Variants in LMLN observed in about 807,000 individuals in gnomAD.
The protein encoded by LMLN is leishmanolysin-like peptidase.
LMLN carries 70 observed loss-of-function variants against 92.3 expected under a neutral mutation model. The observed-to-expected ratio is 0.76, with a 90% confidence interval of 0.63 to 0.92. LMLN has a LOEUF of 0.92. Among genes scored for constraint, LMLN ranks in the 40% least tolerant of loss-of-function variants. LMLN has a pLI of 0.00. For missense variants in LMLN, 691 were observed against 814.6 expected (o/e 0.85, Z 1.85); for synonymous variants, 308 against 296.2 (o/e 1.04, Z -0.41).
chr3:197,965,428 A>G (rs1274605183), intron 1 of LMLN, among the ~76,000 whole-genome samples: 2 of 151,852 alleles, frequency 1.3e-5, no homozygotes, highest in Non-Finnish European at 2.9e-5. Context: ...TGTTTTAGAG[A>G]TGGGATCTCA....
intron 9 of LMLN, 93 bp from the exon 10 acceptor site, chr3:197,996,082 G>T (rs1722008748): frequency 3.7e-6 from 2 of 542,032 alleles, no homozygotes; most frequent in Non-Finnish European, 3.1e-6. Flanking sequence ...ATTCTTTAAT[G>T]TTAACTTATT....
At chr3:197,972,514 A>T (rs1261774573) in intron 1 of LMLN, among the ~76,000 whole-genome samples, 2 of 152,106 alleles carry the variant, frequency 1.3e-5, no homozygotes, top group South Asian at 4.1e-4. Flanking sequence ...TCCTGAACAC[A>T]TTTCAGCTGC....
At chr3:198,014,074 C>T (rs1431419654) in intron 11 of LMLN, among the ~76,000 whole-genome samples, 1 of 147,088 alleles carries the variant, frequency 6.8e-6, no homozygotes, top group African/African-American at 2.6e-5. Flanking sequence ...AGCCTCCTAA[C>T]TAGTCTGACT....
At chr3:197,987,946 T>G (rs974369463) in intron 8 of LMLN, among the ~76,000 whole-genome samples, 4 of 152,212 alleles carry the variant, frequency 2.6e-5, no homozygotes, top group African/African-American at 9.6e-5. Context: ...ATTTTCTCTT[T>G]GTACACTGCC....
intron 11 of LMLN, 104 bp downstream of exon 12, chr3:198,003,229 G>T: frequency 1.6e-6 from 1 of 634,932 alleles, no homozygotes; most frequent in Non-Finnish European, 2.6e-6. Flanking sequence ...AGTCTGAGCA[G>T]TTCAATTTTA....
At chr3:197,971,440 T>G (rs1289469755) in intron 1 of LMLN, among the ~76,000 whole-genome samples, 2 of 152,222 alleles carry the variant, frequency 1.3e-5, no homozygotes, top group Non-Finnish European at 2.9e-5. Context: ...CCTCCTTCCC[T>G]TGACATGTGG....
chr3:198,002,357 C>T (rs911272444), intron 11 of LMLN, among the ~76,000 whole-genome samples: 2 of 152,052 alleles, frequency 1.3e-5, no homozygotes, highest in African/African-American at 4.8e-5. Flanking sequence ...TCTCGAACTC[C>T]CAACCTCAAA....
intron 5 of LMLN, 97 bp from the exon 6 acceptor site, chr3:197,980,229 G>C: frequency 1.0e-6 from 1 of 979,882 alleles, no homozygotes. Context: ...AGATTAAATT[G>C]TACTGTGTTT....
chr3:198,040,468 ATTCTTTCTC>A (rs1220742418), exon 16 of LMLN: 1 of 152,306 alleles, frequency 6.6e-6, no homozygotes, highest in African/African-American at 2.4e-5. Context: ...GGCGATGCCC[ATTCTTTCTC>A]TCAAGCTAAT....
At chr3:198,024,767 C>T in exon 14 of LMLN, 1 of 1,609,160 alleles carries the variant, frequency 6.2e-7, no homozygotes, top group Non-Finnish European at 8.5e-7. Context: ...GTTACCCAGA[C>T]TGGGGAAGCG....
rs143532116 is a variant in LMLN at position 197,988,304 on chromosome 3, A to G, written c.930-2255A>G. On this transcript the variant is annotated intron_variant, in intron 8 of 15. Coordinates refer to ENST00000330198, the Ensembl canonical transcript of LMLN. ...CCGATGTTTTTTTCTTTGTTGCTTA[A>G]GGCCTCAAAAGATTATAAAAATATT... is the stretch of plus-strand genomic sequence containing the variant. 5.2e-3 allele frequency among the ~76,000 whole-genome samples: 787 copies of G among 151,988 alleles called. 5 individuals carry two copies. Among genetic ancestry groups the G allele is most frequent in the African/African-American group, 0.017 (725 of 41,508 alleles).
At chr3:197,969,163 C>G (rs1398559518) in intron 1 of LMLN, among the ~76,000 whole-genome samples, 4 of 151,866 alleles carry the variant, frequency 2.6e-5, no homozygotes, top group African/African-American at 9.7e-5. Context: ...CTCACTGCAG[C>G]CTTGAACTCC....
At position 198,023,799 on chromosome 3, in the gene LMLN, C is replaced by T. The variant is rs141864297; in HGVS notation, c.1526-859C>T. On this transcript the variant is annotated intron_variant, in intron 13 of 15. Transcript: ENST00000330198. ...GTTTGTGCATACTGTGAGATTAGAT[C>T]AGCATCTTACTAGGTTGGTGGAAGA... is the stretch of plus-strand genomic sequence containing the variant. Among the ~76,000 whole-genome samples, 421 of 152,302 alleles carry T rather than the reference C, an allele frequency of 2.8e-3. 4 individuals are homozygous for T. The highest frequency in any genetic ancestry group is 4.4e-3 in the Non-Finnish European group (297 of 68,036).
At chr3:198,009,827 T>C (rs1470101737) in intron 11 of LMLN, among the ~76,000 whole-genome samples, 1 of 152,190 alleles carries the variant, frequency 6.6e-6, no homozygotes, top group Non-Finnish European at 1.5e-5. Context: ...TAATTTGTAA[T>C]TTTTGTTGGT....
intron 14 of LMLN, among the ~76,000 whole-genome samples, chr3:198,028,136 C>T (rs145645182): frequency 2.9e-4 from 44 of 152,290 alleles, no homozygotes; most frequent in African/African-American, 1.0e-3. Context: ...ATTTTTGGTA[C>T]AATCGATGAA....
intron 11 of LMLN, among the ~76,000 whole-genome samples, chr3:198,009,758 T>C (rs1018881438): frequency 2.6e-5 from 4 of 152,206 alleles, no homozygotes; most frequent in Non-Finnish European, 4.4e-5. Context: ...CAAGTTTATG[T>C]GTATAGGGTT....
exon 9 of LMLN, chr3:197,990,668 C>T (rs767283182): frequency 2.7e-5 from 41 of 1,506,358 alleles, no homozygotes; most frequent in Non-Finnish European, 3.7e-5. Context: ...GGTAACGCCT[C>T]GTGTTGTTGT....
intron 10 of LMLN, among the ~76,000 whole-genome samples, chr3:197,998,390 T>C (rs1722084281): frequency 6.6e-6 from 1 of 152,206 alleles, no homozygotes; most frequent in Admixed American, 6.5e-5. Flanking sequence ...GGAAGGGACG[T>C]ACATTTATTC....
At chr3:198,007,934 A>C (rs1255060107) in intron 11 of LMLN, among the ~76,000 whole-genome samples, 1 of 152,198 alleles carries the variant, frequency 6.6e-6, no homozygotes. Flanking sequence ...GAGAGCTTTA[A>C]TCATGAATGG....
Sources: allele counts gnomAD v4.1 joint callset (sites outside exome capture counted in the v4.1 genomes callset), GRCh38; gene constraint gnomAD v4.1.1; transcripts MANE v1.5; gene names NCBI Gene and HGNC (gene_info 2026-07-23, HGNC 2026-07-21).